The following NDUFAF2 variants were observed in gnomAD, a reference collection of about 807,000 sequenced individuals.
The protein encoded by NDUFAF2 is NADH:ubiquinone oxidoreductase complex assembly factor 2, also known as NADH dehydrogenase [ubiquinone] 1 alpha subcomplex assembly factor 2.
A neutral mutation model predicts 22.8 loss-of-function variants in NDUFAF2; 13 were observed. That is an observed-to-expected ratio of 0.57 (90% CI 0.37 to 0.91). The LOEUF is 0.91. NDUFAF2 is among the 40% of genes least tolerant of loss of function. The probability of loss-of-function intolerance (pLI) is 0.01; values close to 1 mark genes in which losing one functional copy is unlikely to be tolerated. For synonymous variants in NDUFAF2, 53 were observed against 64.2 expected, an observed-to-expected ratio of 0.83 and a Z score of 0.84; for missense variants, 162 against 195.2, an observed-to-expected ratio of 0.83 and a Z score of 1.01.
chr5:60,983,780 A>G (rs1284720645), intron 1 of NDUFAF2, among the ~76,000 whole-genome samples: 1 of 151,470 alleles, frequency 6.6e-6, no homozygotes, highest in Non-Finnish European at 1.5e-5. Context: ...TGGTACCAGT[A>G]CCATGCTGTT....
intron 1 of NDUFAF2, among the ~76,000 whole-genome samples, chr5:60,967,096 A>T (rs891031519): frequency 6.6e-6 from 1 of 151,904 alleles, no homozygotes; most frequent in African/African-American, 2.4e-5. Flanking sequence ...TTGTATTAAT[A>T]TTATTTTGTA....
chr5:60,973,965 G>C (rs758934892), intron 1 of NDUFAF2, among the ~76,000 whole-genome samples: 53 of 152,116 alleles, frequency 3.5e-4, no homozygotes, highest in Admixed American at 9.8e-4. Context: ...CATTTTGCCT[G>C]TCTAATTTTT....
In NDUFAF2 at chr5:61,048,447, G is replaced by C. The variant is rs1751982511; in HGVS notation, c.128-24678G>C. 2.0e-5 allele frequency among the ~76,000 whole-genome samples: 3 copies of C among 152,060 alleles called. No individual in the cohort carries two copies. In the South Asian group the frequency reaches 6.2e-4, roughly 32 times the overall value. On this transcript the variant is annotated intron_variant, in intron 1 of 3. Coordinates refer to ENST00000296597, the MANE Select transcript of NDUFAF2 (RefSeq NM_174889.5). Reference sequence around the variant, plus strand: ...TAGGATGCCTGGAACTATTTCAAAGGCATATATGGTTTTTGTTTTTATAGG... The same window carrying C: ...TAGGATGCCTGGAACTATTTCAAAGCCATATATGGTTTTTGTTTTTATAGG...
chr5:61,001,925 C>T (rs866123602), intron 1 of NDUFAF2, among the ~76,000 whole-genome samples: 6 of 152,004 alleles, frequency 3.9e-5, no homozygotes, highest in Non-Finnish European at 4.4e-5. Flanking sequence ...AAACTAGTAT[C>T]GTCATATTTC....
At chr5:61,016,983 A>G (rs902153037) in intron 1 of NDUFAF2, among the ~76,000 whole-genome samples, 1 of 152,210 alleles carries the variant, frequency 6.6e-6, no homozygotes, top group Non-Finnish European at 1.5e-5. Context: ...TCCAGGCTTC[A>G]CAAGGATTCC....
intron 2 of NDUFAF2, among the ~76,000 whole-genome samples, chr5:61,095,092 C>T (rs1752621858): frequency 2.0e-5 from 3 of 151,984 alleles, no homozygotes; most frequent in Admixed American, 6.6e-5. Flanking sequence ...GCAAAGATGG[C>T]GGCCTAACTC....
At chr5:61,006,862 C>T (rs965018831) in intron 1 of NDUFAF2, among the ~76,000 whole-genome samples, 1 of 151,972 alleles carries the variant, frequency 6.6e-6, no homozygotes, top group African/African-American at 2.4e-5. Context: ...TTGGTCAAGG[C>T]GTTTGAATAA....
At chr5:61,035,105 C>T (rs138155526) in intron 1 of NDUFAF2, among the ~76,000 whole-genome samples, 2,543 of 150,102 alleles carry the variant, frequency 0.017, 79 homozygotes, top group African/African-American at 0.059. Flanking sequence ...CTCACTCTGT[C>T]GCCCAGGCTG....
chr5:61,039,464 T>C (rs1751844691), intron 1 of NDUFAF2, among the ~76,000 whole-genome samples: 1 of 152,228 alleles, frequency 6.6e-6, no homozygotes, highest in Admixed American at 6.5e-5. Flanking sequence ...ATATTTCTGC[T>C]TCCTAGAAAA....
chr5:61,098,066 A>G (rs959618154), intron 2 of NDUFAF2, among the ~76,000 whole-genome samples: 2 of 152,144 alleles, frequency 1.3e-5, no homozygotes, highest in African/African-American at 4.8e-5. Flanking sequence ...TTTGAGTCTT[A>G]TTTTTAAGAG....
chr5:61,136,005 TTATA>T (rs57756292), intron 3 of NDUFAF2, among the ~76,000 whole-genome samples: 1,095 of 95,978 alleles, frequency 0.011, 80 homozygotes, highest in African/African-American at 0.045. Context: ...AAGCCTGTCT[TTATA>T]TATATATATA....
At chr5:61,108,656 C>T (rs976622632) in intron 3 of NDUFAF2, among the ~76,000 whole-genome samples, 1 of 147,106 alleles carries the variant, frequency 6.8e-6, no homozygotes, top group African/African-American at 2.7e-5. Flanking sequence ...AGATGGGGGC[C>T]TCATTTCATT....
chr5:61,097,863 A>G (rs1352935212), intron 2 of NDUFAF2, among the ~76,000 whole-genome samples: 1 of 152,230 alleles, frequency 6.6e-6, no homozygotes, highest in African/African-American at 2.4e-5. Flanking sequence ...TCTGAATTCA[A>G]ATACAACCAT....
At chr5:61,151,596 T>C (rs1273216864) in intron 3 of NDUFAF2, among the ~76,000 whole-genome samples, 1 of 151,894 alleles carries the variant, frequency 6.6e-6, no homozygotes, top group Non-Finnish European at 1.5e-5. Flanking sequence ...CTGACCAACA[T>C]GGAGAAACCC....
At chr5:61,001,821 A>G (rs893244778) in intron 1 of NDUFAF2, among the ~76,000 whole-genome samples, 1 of 152,164 alleles carries the variant, frequency 6.6e-6, no homozygotes, top group Non-Finnish European at 1.5e-5. Flanking sequence ...GTCACCTTAT[A>G]TAACACAGCA....
At chr5:61,150,964 G>A (rs1188639781) in intron 3 of NDUFAF2, among the ~76,000 whole-genome samples, 2 of 152,094 alleles carry the variant, frequency 1.3e-5, no homozygotes, top group Non-Finnish European at 2.9e-5. Context: ...TACAGAACTC[G>A]CTTACTGTGG....
intron 1 of NDUFAF2, among the ~76,000 whole-genome samples, chr5:60,977,441 G>A (rs1423648191): frequency 6.6e-6 from 1 of 151,800 alleles, no homozygotes; most frequent in Non-Finnish European, 1.5e-5. Flanking sequence ...AGAAAAAATT[G>A]AAACAAACGA....
At chr5:61,006,115 TG>T (rs1239313356) in intron 1 of NDUFAF2, among the ~76,000 whole-genome samples, 1 of 152,228 alleles carries the variant, frequency 6.6e-6, no homozygotes, top group African/African-American at 2.4e-5. Flanking sequence ...AATTAATTTT[TG>T]TATAAGGTGT....
chr5:60,956,728 A>G (rs1750621461), intron 1 of NDUFAF2, among the ~76,000 whole-genome samples: 1 of 152,164 alleles, frequency 6.6e-6, no homozygotes, highest in Non-Finnish European at 1.5e-5. Flanking sequence ...ATTTGTGCTG[A>G]GGTTTTTATG....
Sources: allele counts gnomAD v4.1 joint callset (sites outside exome capture counted in the v4.1 genomes callset), GRCh38; gene constraint gnomAD v4.1.1; transcripts MANE v1.5; gene names NCBI Gene and HGNC (gene_info 2026-07-23, HGNC 2026-07-21).